Variants in TMEFF2 observed in about 807,000 individuals in gnomAD.
TMEFF2 encodes tomoregulin-2.
Under a neutral mutation model 53.8 loss-of-function variants are expected in TMEFF2, and 28 were observed. That is an observed-to-expected ratio of 0.52 (90% CI 0.39 to 0.71). The LOEUF (loss-of-function observed/expected upper bound fraction) is 0.71, where lower values mean the gene tolerates loss of function less well. Ranked by LOEUF, TMEFF2 falls within the 30% of genes least tolerant of loss-of-function variation. The probability of loss-of-function intolerance (pLI) is 0.00; values close to 1 mark genes in which losing one functional copy is unlikely to be tolerated. For missense variants in TMEFF2, 353 were observed against 455.2 expected (o/e 0.78, Z 2.04); for synonymous variants, 162 against 166.3 (o/e 0.97, Z 0.20).
chr2:192,082,977 C>CTTT (rs1688588691), intron 4 of TMEFF2, among the ~76,000 whole-genome samples: 3 of 148,664 alleles, frequency 2.0e-5, no homozygotes, highest in African/African-American at 4.9e-5. Context: ...TTTTTTTTTC[C>CTTT]GAACATGGTC....
At chr2:192,011,749 GT>G (rs1377824690) in intron 5 of TMEFF2, among the ~76,000 whole-genome samples, 1 of 152,056 alleles carries the variant, frequency 6.6e-6, no homozygotes, top group African/African-American at 2.4e-5. Context: ...TTTGGTCAAT[GT>G]ATATATTATA....
intron 4 of TMEFF2, among the ~76,000 whole-genome samples, chr2:192,125,055 AG>A (rs1689644278): frequency 6.6e-6 from 1 of 152,214 alleles, no homozygotes; most frequent in African/African-American, 2.4e-5. Flanking sequence ...TAATTGGGAA[AG>A]GATACCACAA....
At chr2:192,061,869 C>T (rs964515164) in intron 4 of TMEFF2, among the ~76,000 whole-genome samples, 19 of 152,174 alleles carry the variant, frequency 1.2e-4, no homozygotes, top group African/African-American at 3.9e-4. Context: ...TCTTGCTCCC[C>T]GTCTCGCCAC....
chr2:191,951,844 A>AGGGG (rs1691894549), intron 9 of TMEFF2, among the ~76,000 whole-genome samples: 1 of 152,108 alleles, frequency 6.6e-6, no homozygotes, highest in Non-Finnish European at 1.5e-5. Flanking sequence ...CCTTCCCCTC[A>AGGGG]AAAGCCAATA....
At chr2:192,088,832 C>T (rs1418981648) in intron 4 of TMEFF2, among the ~76,000 whole-genome samples, 1 of 152,138 alleles carries the variant, frequency 6.6e-6, no homozygotes, top group East Asian at 1.9e-4. Flanking sequence ...CTTAGCCTTT[C>T]ACCTACCCTT....
chr2:192,116,797 C>T (rs150148897), intron 4 of TMEFF2, among the ~76,000 whole-genome samples: 24 of 151,970 alleles, frequency 1.6e-4, no homozygotes, highest in Admixed American at 3.9e-4. Context: ...TTTGTCATGA[C>T]GTAAGAAATT....
intron 1 of TMEFF2, among the ~76,000 whole-genome samples, chr2:192,193,536 C>G (rs188351465): frequency 0.01 from 1,563 of 152,246 alleles, 23 homozygotes; most frequent in African/African-American, 0.035. Flanking sequence ...GAGGAGTCAG[C>G]GCCCACTGAA....
intron 5 of TMEFF2, among the ~76,000 whole-genome samples, chr2:192,044,874 C>T (rs913248211): frequency 2.6e-5 from 4 of 152,154 alleles, no homozygotes; most frequent in Non-Finnish European, 4.4e-5. Flanking sequence ...GAGCTTCCCA[C>T]CATGAACTGA....
chr2:191,989,098 C>T (rs1011127541), intron 7 of TMEFF2, among the ~76,000 whole-genome samples: 1 of 152,084 alleles, frequency 6.6e-6, no homozygotes, highest in African/African-American at 2.4e-5. Flanking sequence ...TTGCAGGTTT[C>T]CCATTGCAGA....
intron 9 of TMEFF2, 178 bp from the exon 10 acceptor site, chr2:191,950,585 A>G: frequency 1.1e-6 from 1 of 917,402 alleles, no homozygotes; most frequent in East Asian, 2.6e-5. Flanking sequence ...TTTTCTGTGC[A>G]GTTGTCTTTA....
At chr2:192,003,556 A>G (rs1686418594) in intron 5 of TMEFF2, among the ~76,000 whole-genome samples, 1 of 152,238 alleles carries the variant, frequency 6.6e-6, no homozygotes, top group South Asian at 2.1e-4. Context: ...TCACTGGGAT[A>G]TATCAGTGAA....
chr2:192,028,937 C>T (rs1040415165), intron 5 of TMEFF2: 1 of 152,014 alleles, frequency 6.6e-6, no homozygotes, highest in Non-Finnish European at 1.5e-5. Context: ...CATAGGAAGT[C>T]AAGAAAAAGA....
chr2:192,078,652 C>A (rs1298504833), intron 4 of TMEFF2, among the ~76,000 whole-genome samples: 1 of 152,138 alleles, frequency 6.6e-6, no homozygotes, highest in African/African-American at 2.4e-5. Context: ...CTTTCTTATT[C>A]TTTCAGCTAA....
At chr2:192,007,944 T>C (rs965183337) in intron 5 of TMEFF2, among the ~76,000 whole-genome samples, 3 of 152,188 alleles carry the variant, frequency 2.0e-5, no homozygotes, top group African/African-American at 4.8e-5. Context: ...TGCTCTACTC[T>C]TTCCTGCTTT....
At chr2:192,105,180 CCA>C (rs1689117667) in intron 4 of TMEFF2, among the ~76,000 whole-genome samples, 1 of 151,728 alleles carries the variant, frequency 6.6e-6, no homozygotes, top group South Asian at 2.1e-4. Flanking sequence ...TGTTTTTTCC[CCA>C]AATTATTTCA....
chr2:192,111,644 G>A (rs1689278195), intron 4 of TMEFF2, among the ~76,000 whole-genome samples: 1 of 152,188 alleles, frequency 6.6e-6, no homozygotes, highest in African/African-American at 2.4e-5. Context: ...ATTTGCATAA[G>A]TAAAGAGGAG....
At chr2:192,154,193 C>A (rs903793082) in intron 4 of TMEFF2, among the ~76,000 whole-genome samples, 1 of 151,834 alleles carries the variant, frequency 6.6e-6, no homozygotes, top group African/African-American at 2.4e-5. Context: ...TATTTAGAAC[C>A]AGGACTTATG....
Position 192,109,995 on chromosome 2 carries a change from AG to A in TMEFF2, c.440-52221del, listed in dbSNP as rs1252709206. ...TAGGGAGAAAATTTAGAATAAGGAA[AG>A]GAGATGAAAAGAAAGAAGAACAGAG... On this transcript the variant is annotated intron_variant, in intron 4 of 9. Coordinates refer to ENST00000272771, the MANE Select transcript of TMEFF2 (RefSeq NM_016192.4). Among the ~76,000 whole-genome samples, 8 of 152,234 alleles carry A rather than the reference AG, an allele frequency of 5.3e-5. No individual in the cohort carries two copies. The East Asian group carries it at 1.5e-3, about 29-fold the overall frequency.
intron 4 of TMEFF2, among the ~76,000 whole-genome samples, chr2:192,088,788 C>T (rs1282257197): frequency 1.3e-5 from 2 of 152,062 alleles, no homozygotes; most frequent in African/African-American, 4.8e-5. Flanking sequence ...CTATCACATA[C>T]ATTTCAAAAA....
Sources: allele counts gnomAD v4.1 joint callset (sites outside exome capture counted in the v4.1 genomes callset), GRCh38; gene constraint gnomAD v4.1.1; transcripts MANE v1.5; gene names NCBI Gene and HGNC (gene_info 2026-07-23, HGNC 2026-07-21).